The following PTPRN2 variants were observed in gnomAD, a reference collection of about 807,000 sequenced individuals.
PTPRN2 encodes the protein receptor-type tyrosine-protein phosphatase N2.
Under a neutral mutation model 118.8 loss-of-function variants are expected in PTPRN2, and 74 were observed. The ratio of observed to expected loss-of-function variants is 0.62; its 90% CI spans 0.52 to 0.76. The LOEUF is 0.76. PTPRN2 is among the 30% of genes least tolerant of loss of function. The pLI is 0.00. For missense variants in PTPRN2, 1,481 were observed against 1,394.4 expected (o/e 1.06, Z -0.99); for synonymous variants, 641 against 608.0 (o/e 1.05, Z -0.80).
intron 13 of PTPRN2, among the ~76,000 whole-genome samples, chr7:157,673,965 G>T (rs963305921): frequency 3.9e-5 from 6 of 152,188 alleles, no homozygotes; most frequent in Admixed American, 6.5e-5. Context: ...CAGAATATGG[G>T]ATTCTACCCT....
chr7:157,822,248 A>T (rs1449205728), intron 12 of PTPRN2, among the ~76,000 whole-genome samples: 1 of 150,842 alleles, frequency 6.6e-6, no homozygotes, highest in Non-Finnish European at 1.5e-5. Context: ...CCATCCATCC[A>T]CTCACCCACT....
rs2150664656 is a variant in PTPRN2, at chr7:157,629,153, A to C, written c.2197-7644T>G. 6.6e-6 allele frequency among the ~76,000 whole-genome samples: 1 copy of C among 152,274 alleles called. No individual in the cohort carries two copies. Among genetic ancestry groups the C allele is most frequent in the Non-Finnish European group, 1.5e-5 (1 of 68,020 alleles). ...GCATCTGGAGACTTGTAAAGGGTCCAGATGTGGTTCCATGTGAATCCCGTC... is the reference window on the plus strand; with the variant it reads ...GCATCTGGAGACTTGTAAAGGGTCCCGATGTGGTTCCATGTGAATCCCGTC... On this transcript the variant is annotated intron_variant, in intron 14 of 22. Transcript: ENST00000389418. The surrounding 1 kb of genome is among the most constrained non-coding windows in gnomAD (Gnocchi z 4.4).
intron 11 of PTPRN2, among the ~76,000 whole-genome samples, chr7:158,070,928 GCT>G (rs1811327860): frequency 7.7e-6 from 1 of 129,764 alleles, no homozygotes; most frequent in African/African-American, 3.4e-5. Context: ...TGCTGGAGGT[GCT>G]CCTGGTGGTG....
At chr7:157,608,859 G>T (rs1802162308) in intron 15 of PTPRN2, among the ~76,000 whole-genome samples, 1 of 151,794 alleles carries the variant, frequency 6.6e-6, no homozygotes, top group African/African-American at 2.4e-5. Flanking sequence ...GGAACCACAG[G>T]GTGAGAATTC....
At chr7:158,263,169 C>T (rs1191446798) in intron 3 of PTPRN2, among the ~76,000 whole-genome samples, 1 of 151,774 alleles carries the variant, frequency 6.6e-6, no homozygotes, top group East Asian at 1.9e-4. Context: ...CACACATTCA[C>T]ACACACTGCA....
At chr7:158,170,708 T>A (rs1048640769) in intron 5 of PTPRN2, among the ~76,000 whole-genome samples, 1 of 151,636 alleles carries the variant, frequency 6.6e-6, no homozygotes, top group African/African-American at 2.4e-5. Context: ...GGCCTGAGAG[T>A]TGGGAACATG....
chr7:158,140,379 A>G (rs376925425), intron 6 of PTPRN2, among the ~76,000 whole-genome samples: 24 of 152,350 alleles, frequency 1.6e-4, no homozygotes, highest in Middle Eastern at 3.4e-3. Context: ...AGAGAAGTGA[A>G]ACCCGTAACC....
Position 158,526,822 on chromosome 7 carries a change from G to A in PTPRN2, c.113-37037C>T, listed in dbSNP as rs993352638. On this transcript the variant is annotated intron_variant, in intron 1 of 22. Transcript: ENST00000389418. This position sits in a 1 kb window ranked among gnomAD's most constrained non-coding sequence, Gnocchi z 5.2. The stretch of plus-strand genomic sequence containing the variant: ...GGCCTCTGGGGGAACCTGCCCTGCC[G>A]TGCTCTCATCTTGGACTTTCGGCCT... Among the ~76,000 whole-genome samples, 5 of 152,080 alleles carry A rather than the reference G, an allele frequency of 3.3e-5. No individual in the cohort carries two copies. The highest frequency in any genetic ancestry group is 5.9e-5 in the Non-Finnish European group (4 of 68,024).
At chr7:158,273,245 T>A (rs1798633173) in intron 3 of PTPRN2, among the ~76,000 whole-genome samples, 1 of 152,184 alleles carries the variant, frequency 6.6e-6, no homozygotes, top group African/African-American at 2.4e-5. Flanking sequence ...GTGCTGTTTC[T>A]CTGTCTTGAA....
intron 11 of PTPRN2, among the ~76,000 whole-genome samples, chr7:158,071,432 C>T (rs1286225282): frequency 4.2e-4 from 17 of 40,056 alleles, no homozygotes; most frequent in East Asian, 1.6e-3. Context: ...TGGAGGTGCT[C>T]GTGGTGGTGG....
intron 6 of PTPRN2, among the ~76,000 whole-genome samples, chr7:158,164,175 G>C (rs780049493): frequency 6.6e-6 from 1 of 152,104 alleles, no homozygotes; most frequent in Non-Finnish European, 1.5e-5. Context: ...CCAAGGCAGG[G>C]AGGTGAAGCT....
intron 2 of PTPRN2, among the ~76,000 whole-genome samples, chr7:158,467,626 G>A (rs1165209103): frequency 1.3e-5 from 2 of 152,048 alleles, no homozygotes; most frequent in Admixed American, 6.6e-5. Context: ...TTTTGAGAAC[G>A]GTGTAAGGTA....
At chr7:158,385,423 A>T (rs947592532) in intron 2 of PTPRN2, among the ~76,000 whole-genome samples, 1 of 152,226 alleles carries the variant, frequency 6.6e-6, no homozygotes, top group African/African-American at 2.4e-5. Flanking sequence ...ATTGGCCTCT[A>T]CTTTAAAATC....
In PTPRN2 at chr7:158,475,556, ACGCCC is replaced by A. The variant is rs1333747561; in HGVS notation, c.163+14174_163+14178del. On this transcript the variant is annotated intron_variant, in intron 2 of 22. Transcript: ENST00000389418. ...CCCAGCAAAACACCCTCGGGAGGGC[ACGCCC>A]GCCTCCACCCCCAGCTGACACCCAC... Among the ~76,000 whole-genome samples, 423 of 152,046 alleles carry A rather than the reference ACGCCC, an allele frequency of 2.8e-3. 3 individuals carry two copies. Among genetic ancestry groups the A allele is most frequent in the African/African-American group, 9.7e-3 (402 of 41,464 alleles).
chr7:157,581,265 G>A (rs1229720743), intron 17 of PTPRN2, among the ~76,000 whole-genome samples: 2 of 152,208 alleles, frequency 1.3e-5, no homozygotes, highest in African/African-American at 4.8e-5. Flanking sequence ...GAGTGTGAAC[G>A]GCTGGCACCA....
At chr7:157,914,701 G>A (rs1397233391) in intron 11 of PTPRN2, among the ~76,000 whole-genome samples, 1 of 151,860 alleles carries the variant, frequency 6.6e-6, no homozygotes, top group Admixed American at 6.6e-5. Flanking sequence ...GAACACTTAT[G>A]AATCGTGTGT....
rs1826676342 is a variant in PTPRN2, at chr7:158,201,917, GT to G, written c.380+3253del. 2.6e-5 allele frequency among the ~76,000 whole-genome samples: 4 copies of G among 152,302 alleles called. No homozygotes were observed. The South Asian group carries it at 8.3e-4, about 32-fold the overall frequency. On this transcript the variant is annotated intron_variant, in intron 4 of 22. Transcript: ENST00000389418. ...TGCACCCTGAGCACCCTGGGCCCAT[GT>G]TCTCAGGGCCTCCTGAGGGCTGCAT...
intron 1 of PTPRN2, among the ~76,000 whole-genome samples, chr7:158,586,011 C>T (rs1385354966): frequency 1.3e-5 from 2 of 152,218 alleles, no homozygotes; most frequent in African/African-American, 4.8e-5. Context: ...GCCCCCAAGC[C>T]TCCCATGCAG....
At chr7:157,561,904 G>A (rs986190169) in intron 21 of PTPRN2, among the ~76,000 whole-genome samples, 4 of 152,238 alleles carry the variant, frequency 2.6e-5, no homozygotes, top group Admixed American at 1.3e-4. Flanking sequence ...CAGCATCAGC[G>A]TGGATCCAGC....
Sources: gnomAD v4.1 joint callset for allele counts (sites outside exome capture counted in the v4.1 genomes callset) on GRCh38, gnomAD v4.1.1 for gene constraint, Gnocchi (gnomAD v3.1) non-coding constraint, MANE v1.5 for transcripts, NCBI Gene and HGNC (gene_info 2026-07-23, HGNC 2026-07-21) for gene names.